KCNIP1: variants seen among roughly 807,000 people sequenced by gnomAD.
KCNIP1 encodes potassium voltage-gated channel interacting protein 1.
A neutral mutation model predicts 33.0 loss-of-function variants in KCNIP1; 18 were observed. That is an observed-to-expected ratio of 0.55 (90% CI 0.38 to 0.81). KCNIP1 has a LOEUF of 0.81. Among genes scored for constraint, KCNIP1 ranks in the 30% least tolerant of loss-of-function variants. The pLI, the probability that KCNIP1 is intolerant of heterozygous loss-of-function variation, is 0.00. For missense variants in KCNIP1, 238 were observed against 271.6 expected (o/e 0.88, Z 0.87); for synonymous variants, 93 against 98.3 (o/e 0.95, Z 0.32).
chr5:170,718,374 A>G (rs1367529520), intron 1 of KCNIP1, among the ~76,000 whole-genome samples: 1 of 152,232 alleles, frequency 6.6e-6, no homozygotes, highest in Non-Finnish European at 1.5e-5. Flanking sequence ...TTTGCTGTCT[A>G]GAGGTGTTTA....
intron 1 of KCNIP1, among the ~76,000 whole-genome samples, chr5:170,424,360 T>C (rs1355993295): frequency 6.6e-6 from 1 of 152,140 alleles, no homozygotes; most frequent in Non-Finnish European, 1.5e-5. Flanking sequence ...CTGAGGCCTA[T>C]GGAAATGAAG....
chr5:170,706,511 C>A (rs1054061679), intron 1 of KCNIP1, among the ~76,000 whole-genome samples: 1 of 152,174 alleles, frequency 6.6e-6, no homozygotes, highest in Admixed American at 6.5e-5. Flanking sequence ...ACCAGCCTAC[C>A]AACGCTAGCT....
At chr5:170,558,505 A>T (rs1276701878) in intron 1 of KCNIP1, among the ~76,000 whole-genome samples, 2 of 152,250 alleles carry the variant, frequency 1.3e-5, no homozygotes, top group Non-Finnish European at 2.9e-5. Flanking sequence ...GTAGATAAAG[A>T]TCGAGGTGGA....
chr5:170,705,317 G>A (rs1261806726), intron 1 of KCNIP1, among the ~76,000 whole-genome samples: 1 of 152,162 alleles, frequency 6.6e-6, no homozygotes, highest in Non-Finnish European at 1.5e-5. Context: ...CCCTGCCTCT[G>A]GGCAGGCGGA....
intron 1 of KCNIP1, among the ~76,000 whole-genome samples, chr5:170,568,268 C>G (rs1334831895): frequency 6.6e-6 from 1 of 152,190 alleles, no homozygotes; most frequent in African/African-American, 2.4e-5. Flanking sequence ...CAAACATTTC[C>G]TGGGCATGTA....
In KCNIP1 at chr5:170,364,660, T is replaced by C. The variant is rs76555925; in HGVS notation, c.88+10696T>C. Among the ~76,000 whole-genome samples, 985 of 152,196 alleles carry C rather than the reference T, an allele frequency of 6.5e-3. 19 individuals are homozygous for C. Among genetic ancestry groups the C allele is most frequent in the Admixed American group, 0.041 (622 of 15,280 alleles). ...TTCAAATCCCCTCCTGCGGTTGCCG[T>C]CCCTCCTCATCTCCCCCAACACATT... On this transcript the variant is annotated intron_variant, in intron 1 of 7. Transcript: ENST00000377360.
intron 1 of KCNIP1, among the ~76,000 whole-genome samples, chr5:170,581,672 G>C (rs1195158297): frequency 7.2e-5 from 11 of 152,222 alleles, no homozygotes; most frequent in African/African-American, 2.7e-4. Flanking sequence ...ATTATAATGT[G>C]TGATAACGTT....
chr5:170,670,926 A>C (rs1312818105), intron 1 of KCNIP1, among the ~76,000 whole-genome samples: 4 of 151,324 alleles, frequency 2.6e-5, no homozygotes, highest in Non-Finnish European at 4.4e-5. Flanking sequence ...AAAAAAAAAG[A>C]AGAGGACATC....
chr5:170,373,755 C>T (rs934312811), intron 1 of KCNIP1, among the ~76,000 whole-genome samples: 13 of 152,276 alleles, frequency 8.5e-5, no homozygotes, highest in Admixed American at 5.9e-4. Context: ...GTTACATGAC[C>T]TCTGGAACAT....
intron 1 of KCNIP1, among the ~76,000 whole-genome samples, chr5:170,475,084 A>C (rs952084351): frequency 4.1e-4 from 62 of 152,168 alleles, no homozygotes; most frequent in African/African-American, 1.4e-3. Flanking sequence ...AGCTAGCTAC[A>C]GAGTGCTGAT....
At chr5:170,546,118 C>T (rs774991126) in intron 1 of KCNIP1, among the ~76,000 whole-genome samples, 2 of 152,228 alleles carry the variant, frequency 1.3e-5, no homozygotes, top group African/African-American at 4.8e-5. Context: ...CTTGTGTGGT[C>T]TTCATGGCTT....
intron 1 of KCNIP1, among the ~76,000 whole-genome samples, chr5:170,633,640 AAGAGG>A (rs1260373715): frequency 2.8e-5 from 4 of 143,780 alleles, no homozygotes; most frequent in African/African-American, 1.0e-4. Flanking sequence ...ACAGAGAACT[AAGAGG>A]AGAGGAGAGG....
At chr5:170,590,122 T>C (rs564553547) in intron 1 of KCNIP1, among the ~76,000 whole-genome samples, 1 of 152,226 alleles carries the variant, frequency 6.6e-6, no homozygotes, top group African/African-American at 2.4e-5. Context: ...GTGTTGATTT[T>C]ATTGGACACA....
intron 1 of KCNIP1, chr5:170,377,893 G>C (rs1764073801): frequency 6.6e-6 from 1 of 152,156 alleles, no homozygotes; most frequent in African/African-American, 2.4e-5. Flanking sequence ...TTAAGATTGT[G>C]TGTTCTGAAT....
intron 1 of KCNIP1, among the ~76,000 whole-genome samples, chr5:170,584,224 C>T (rs909034775): frequency 6.6e-6 from 1 of 152,206 alleles, no homozygotes; most frequent in African/African-American, 2.4e-5. Flanking sequence ...GGAGCAGCCA[C>T]GGGAGCCATG....
intron 1 of KCNIP1, among the ~76,000 whole-genome samples, chr5:170,585,292 G>A (rs910039722): frequency 6.6e-6 from 1 of 152,154 alleles, no homozygotes; most frequent in Non-Finnish European, 1.5e-5. Context: ...CAGAGGGGGG[G>A]ATCTGAGGGT....
intron 1 of KCNIP1, among the ~76,000 whole-genome samples, chr5:170,629,338 T>C (rs1204151397): frequency 6.6e-6 from 1 of 151,836 alleles, no homozygotes; most frequent in Non-Finnish European, 1.5e-5. Context: ...AAGGAAAGAG[T>C]AAATGATCGG....
chr5:170,571,186 C>T (rs1757393834), intron 1 of KCNIP1, among the ~76,000 whole-genome samples: 1 of 152,242 alleles, frequency 6.6e-6, no homozygotes, highest in Admixed American at 6.5e-5. Flanking sequence ...CCCTCTTCCC[C>T]CACATTGTCT....
intron 1 of KCNIP1, among the ~76,000 whole-genome samples, chr5:170,371,702 A>T (rs951752288): frequency 7.2e-5 from 11 of 152,242 alleles, no homozygotes; most frequent in African/African-American, 2.7e-4. Context: ...GGTGTTCAAC[A>T]AATGCTAGCC....
Sources: gnomAD v4.1 joint callset for allele counts (sites outside exome capture counted in the v4.1 genomes callset) on GRCh38, gnomAD v4.1.1 for gene constraint, MANE v1.5 for transcripts, NCBI Gene and HGNC (gene_info 2026-07-23, HGNC 2026-07-21) for gene names.